Variants in ERAP1 observed in about 807,000 individuals in gnomAD.
The protein encoded by ERAP1 is endoplasmic reticulum aminopeptidase 1, also known as adipocyte-derived leucine aminopeptidase.
ERAP1 carries 86 observed loss-of-function variants against 103.7 expected under a neutral mutation model. The observed-to-expected ratio is 0.83, with a 90% CI of 0.70 to 0.99. ERAP1 has a LOEUF of 0.99. ERAP1 is among the 50% of genes least tolerant of loss of function. The pLI, the probability that ERAP1 is intolerant of heterozygous loss-of-function variation, is 0.00. For missense variants in ERAP1, 1,009 were observed against 1,128.4 expected (o/e 0.89, Z 1.52); for synonymous variants, 398 against 402.4 (o/e 0.99, Z 0.13).
downstream of ERAP1, among the ~76,000 whole-genome samples, chr5:96,770,833 T>A (rs1772036212): frequency 6.6e-6 from 1 of 152,184 alleles, no homozygotes; most frequent in African/African-American, 2.4e-5. Flanking sequence ...CAACCCAATT[T>A]GCCTGTGTTT....
At chr5:96,882,329 T>C in the ERAP1 span, among the ~76,000 whole-genome samples, 1 of 152,196 alleles carries the variant, frequency 6.6e-6, no homozygotes, top group Non-Finnish European at 1.5e-5. Flanking sequence ...GGGGAGATAT[T>C]TGGAGTAAAG....
the ERAP1 span, chr5:96,886,601 GGT>G: frequency 7.0e-7 from 1 of 1,421,394 alleles, no homozygotes; most frequent in South Asian, 1.7e-5. Context: ...TCATAGGCAT[GGT>G]TATGAAATAC....
chr5:96,903,424 G>A, the ERAP1 span: 1 of 1,613,714 alleles, frequency 6.2e-7, no homozygotes, highest in East Asian at 2.2e-5. Context: ...ATTTAATGTG[G>A]ACTCAAATGG....
the ERAP1 span, among the ~76,000 whole-genome samples, chr5:96,899,893 A>G: frequency 1.3e-5 from 2 of 152,230 alleles, no homozygotes; most frequent in African/African-American, 4.8e-5. Context: ...TGAACTTTTT[A>G]AGGAAACTTT....
the ERAP1 span, among the ~76,000 whole-genome samples, chr5:96,843,280 A>T: frequency 7.2e-5 from 11 of 152,188 alleles, no homozygotes; most frequent in East Asian, 1.9e-3. Context: ...AAGTAAATGA[A>T]GTACCTGCAA....
the ERAP1 span, among the ~76,000 whole-genome samples, chr5:96,885,635 A>C: frequency 1.3e-5 from 2 of 152,244 alleles, no homozygotes; most frequent in Non-Finnish European, 2.9e-5. Flanking sequence ...CAACATGTCA[A>C]ACATGCTTAA....
At chr5:96,880,329 G>C in the ERAP1 span, 7 of 1,370,720 alleles carry the variant, frequency 5.1e-6, no homozygotes, top group Non-Finnish European at 6.9e-6. Context: ...CTCTTTGCCA[G>C]GAGCAGACTT....
chr5:96,896,522 C>T, the ERAP1 span: 1 of 1,601,052 alleles, frequency 6.2e-7, no homozygotes. Context: ...ATATCAGGTG[C>T]AGGTGGAAGC....
the ERAP1 span, among the ~76,000 whole-genome samples, chr5:96,862,697 T>C: frequency 6.6e-6 from 1 of 152,224 alleles, no homozygotes; most frequent in African/African-American, 2.4e-5. Context: ...TGATCTTTTC[T>C]TGATGGCAAC....
At chr5:96,813,570 T>C in the ERAP1 span, among the ~76,000 whole-genome samples, 2 of 139,560 alleles carry the variant, frequency 1.4e-5, no homozygotes, top group Admixed American at 1.6e-4. Context: ...GGGGAATCCC[T>C]TGAACCCAGG....
intron 4 of ERAP1, among the ~76,000 whole-genome samples, chr5:96,795,864 C>T (rs538425505): frequency 7.9e-5 from 12 of 152,222 alleles, no homozygotes; most frequent in Middle Eastern, 3.4e-3. Flanking sequence ...GCAGAAACAA[C>T]GAACCACAAA....
At chr5:96,879,968 G>C in the ERAP1 span, 1 of 1,614,184 alleles carries the variant, frequency 6.2e-7, no homozygotes, top group Non-Finnish European at 8.5e-7. Context: ...TGTTGCATCT[G>C]AGAAGATCGA....
rs1038281898 is a variant in ERAP1 at position 96,775,447 on chromosome 5, C to T, written c.*949G>A. 3 of 985,408 alleles carry T rather than the reference C, an allele frequency of 3.0e-6. No homozygotes were observed. Among genetic ancestry groups the T allele is most frequent in the African/African-American group, 3.5e-5 (2 of 57,228 alleles). 61.0% of individuals were successfully genotyped at this position (985,408 alleles called of 1,614,324 possible). On this transcript the variant is annotated 3_prime_UTR_variant, in exon 19 of 19. Coordinates refer to ENST00000443439, the MANE Select transcript of ERAP1 (RefSeq NM_001040458.3). The stretch of plus-strand genomic sequence containing the variant: ...AGAAGCAGAGAGAGAAAAAAAATCA[C>T]CTCCCTAAGAAAAGGGTTTTCCTAC...
At chr5:96,829,324 C>T in the ERAP1 span, among the ~76,000 whole-genome samples, 6 of 152,198 alleles carry the variant, frequency 3.9e-5, no homozygotes, top group South Asian at 1.0e-3. Context: ...CTTATAAGAT[C>T]GCATCTTACA....
the ERAP1 span, among the ~76,000 whole-genome samples, chr5:96,845,006 C>A: frequency 6.6e-6 from 1 of 152,062 alleles, no homozygotes; most frequent in Non-Finnish European, 1.5e-5. Context: ...GTTACTAAAG[C>A]ATTGTGTTTT....
At chr5:96,906,857 C>A in the ERAP1 span, among the ~76,000 whole-genome samples, 245 of 152,140 alleles carry the variant, frequency 1.6e-3, 1 homozygote, top group African/African-American at 5.6e-3. Flanking sequence ...CATGTTGAAA[C>A]CCCGTCTCTA....
At chr5:96,782,928 T>G (rs576079285) in intron 15 of ERAP1, 123 bp downstream of exon 15, 1 of 946,814 alleles carries the variant, frequency 1.1e-6, no homozygotes, top group East Asian at 2.5e-5. Flanking sequence ...CAATTTATTT[T>G]CCAGAAAAGG....
chr5:96,768,445 A>G (rs1561626423), intron 19 of ERAP1: 1 of 450,118 alleles, frequency 2.2e-6, no homozygotes, highest in South Asian at 1.6e-5. Context: ...AAAATGAAGA[A>G]AAGAAAAAAT....
At chr5:96,933,836 G>A in the ERAP1 span, among the ~76,000 whole-genome samples, 4,940 of 152,206 alleles carry the variant, frequency 0.032, 153 homozygotes, top group South Asian at 0.088. Context: ...AGCTCTGCGT[G>A]TACTATATAA....
Sources: allele counts gnomAD v4.1 joint callset (sites outside exome capture counted in the v4.1 genomes callset), GRCh38; gene constraint gnomAD v4.1.1; transcripts MANE v1.5; gene names NCBI Gene and HGNC (gene_info 2026-07-23, HGNC 2026-07-21).